ADGRF3: variants seen among roughly 807,000 people sequenced by gnomAD.
ADGRF3 encodes adhesion G protein-coupled receptor F3, also known as G protein-coupled receptor 113.
In ADGRF3, 85 loss-of-function variants were observed where a neutral mutation model predicts 93.2. The ratio of observed to expected loss-of-function variants is 0.91; its 90% confidence interval spans 0.77 to 1.09. The LOEUF (loss-of-function observed/expected upper bound fraction) is 1.09. ADGRF3 is among the 50% of genes least tolerant of loss of function. ADGRF3 has a pLI of 0.00. For synonymous variants in ADGRF3, 534 were observed against 532.5 expected, an observed-to-expected ratio of 1.00 and a Z score of -0.04; for missense variants, 1,125 against 1,246.2, an observed-to-expected ratio of 0.90 and a Z score of 1.46.
intron 1 of ADGRF3, among the ~76,000 whole-genome samples, chr2:26,328,516 C>T (rs921255601): frequency 8.3e-5 from 12 of 145,224 alleles, no homozygotes; most frequent in Non-Finnish European, 1.8e-4. Flanking sequence ...TGCAGCAGTG[C>T]TATCTCCGAT....
chr2:26,310,357 C>T, intron 10 of ADGRF3, 120 bp from the exon 11 acceptor site: 2 of 1,136,340 alleles, frequency 1.8e-6, no homozygotes, highest in South Asian at 3.0e-5. Context: ...TTTTCTGTTA[C>T]CACTATTTGG....
At chr2:26,332,027 CT>C (rs1675797755) in intron 1 of ADGRF3, among the ~76,000 whole-genome samples, 3 of 152,048 alleles carry the variant, frequency 2.0e-5, no homozygotes, top group Admixed American at 1.3e-4. Flanking sequence ...CCCCCATTAG[CT>C]TTTAGTTACA....
chr2:26,319,561 CCCTCCCTTCCTTCCTTCCTT>C (rs1290019501), intron 1 of ADGRF3, among the ~76,000 whole-genome samples: 1 of 36,502 alleles, frequency 2.7e-5, no homozygotes, highest in African/African-American at 6.7e-5. Context: ...CTCCCTCCCT[CCCTCCCTTCCTTCCTTCCTT>C]CCTTCCTTCC....
At chr2:26,323,603 G>A (rs1675275258) in intron 1 of ADGRF3, among the ~76,000 whole-genome samples, 1 of 151,156 alleles carries the variant, frequency 6.6e-6, no homozygotes, top group Non-Finnish European at 1.5e-5. Flanking sequence ...ACTGGACCTG[G>A]CCTCCATTAC....
chr2:26,316,975 G>C lies in ADGRF3; in HGVS notation c.262C>G (p.Leu88Val), dbSNP rs770424359. ...WPPELSRTLT[L>V]PAASASSSPR... is the part of the protein sequence containing the mutation. The stretch of plus-strand genomic sequence containing the variant: ...GAAGAGGAAGCTGAGGCAGCAGGGA[G>C]AGTCAGTGTCCTGGAGAGTTCAGGG... The change falls in exon 3 of 14, where the codon CTC (leucine) becomes GTC (valine). Residue 88 changes from leucine (L) to valine (V), a missense_variant. Leu to Val is a conservative substitution (Grantham distance 32, BLOSUM62 1). Coordinates refer to ENST00000651242, the MANE Select transcript of ADGRF3 (RefSeq NM_001321971.2). 6.2e-7 allele frequency: 1 copy of C among 1,613,232 alleles called. No individual in the cohort carries two copies. Among genetic ancestry groups the C allele is most frequent in the Admixed American group, 1.7e-5 (1 of 59,766 alleles).
chr2:26,342,346 G>T (rs1178422076), intron 1 of ADGRF3, among the ~76,000 whole-genome samples: 2 of 152,132 alleles, frequency 1.3e-5, no homozygotes. Flanking sequence ...ATTTTAAAAT[G>T]AGAACTAAAT....
chr2:26,344,265 A>G (rs1289216498), intron 1 of ADGRF3, among the ~76,000 whole-genome samples: 1 of 151,702 alleles, frequency 6.6e-6, no homozygotes, highest in Non-Finnish European at 1.5e-5. Context: ...TGCCTCAATA[A>G]CCTGAGTAGC....
intron 1 of ADGRF3, among the ~76,000 whole-genome samples, chr2:26,344,648 T>C (rs942568490): frequency 3.3e-5 from 5 of 152,190 alleles, no homozygotes; most frequent in Non-Finnish European, 7.3e-5. Context: ...AGTTTATTGG[T>C]TGGCGGGCGC....
intron 1 of ADGRF3, among the ~76,000 whole-genome samples, chr2:26,338,082 CTTTA>C (rs1574733436): frequency 6.6e-6 from 1 of 152,180 alleles, no homozygotes; most frequent in South Asian, 2.1e-4. Flanking sequence ...ATCTCAAAGT[CTTTA>C]TTTAGAATTT....
At position 26,310,791 on chromosome 2, in the gene ADGRF3, T is replaced by G. The variant is rs1232076735; in HGVS notation, c.2733A>C (p.Thr911=). ...LGVIKALLIL[T]PIFGLTWGLG... Reference sequence around the variant, plus strand: ...GCCCCCAGGTGAGGCCAAAGATGGGTGTAAGAATGAGCAGGGCTTTGATCA... The same window carrying G: ...GCCCCCAGGTGAGGCCAAAGATGGGGGTAAGAATGAGCAGGGCTTTGATCA... The change falls in exon 10 of 14, where the codon ACA becomes ACC. Residue 911 remains threonine (T), a synonymous_variant. Coordinates refer to ENST00000651242, the MANE Select transcript of ADGRF3 (RefSeq NM_001321971.2). The G allele has an allele frequency of 1.2e-6, 2 of 1,613,574 alleles. No homozygotes were observed. The highest frequency in any genetic ancestry group is 8.5e-7 in the Non-Finnish European group (1 of 1,179,706).
At chr2:26,323,359 T>A (rs1193791546) in intron 1 of ADGRF3, among the ~76,000 whole-genome samples, 3 of 152,170 alleles carry the variant, frequency 2.0e-5, no homozygotes, top group Non-Finnish European at 4.4e-5. Context: ...TAATGATTTT[T>A]GGAAACTGAT....
At chr2:26,312,865 G>T in intron 9 of ADGRF3, 78 bp downstream of exon 9, 1 of 1,366,828 alleles carries the variant, frequency 7.3e-7, no homozygotes, top group Non-Finnish European at 1.0e-6. Flanking sequence ...GACATCAGAG[G>T]GACAGAAATG....
intron 1 of ADGRF3, among the ~76,000 whole-genome samples, chr2:26,343,596 C>T (rs1478867219): frequency 1.3e-5 from 2 of 152,078 alleles, no homozygotes; most frequent in South Asian, 2.1e-4. Flanking sequence ...CCCGCCACCA[C>T]GCCCGGCTAA....
chr2:26,328,449 T>C (rs1675567830), intron 1 of ADGRF3, among the ~76,000 whole-genome samples: 1 of 137,494 alleles, frequency 7.3e-6, no homozygotes, highest in Non-Finnish European at 1.6e-5. Flanking sequence ...TATTAGGCCT[T>C]TTTAGTTTTT....
intron 1 of ADGRF3, among the ~76,000 whole-genome samples, chr2:26,328,641 A>G (rs1456001721): frequency 3.3e-5 from 5 of 152,040 alleles, no homozygotes; most frequent in Admixed American, 3.3e-4. Flanking sequence ...TTTAGTAGAG[A>G]CGGGGTTTCA....
At chr2:26,344,997 T>C (rs1347359165) in intron 1 of ADGRF3, among the ~76,000 whole-genome samples, 1 of 152,186 alleles carries the variant, frequency 6.6e-6, no homozygotes, top group Non-Finnish European at 1.5e-5. Flanking sequence ...TAAAAGTATC[T>C]CAAAATAATC....
rs1423665347 is a variant in ADGRF3 at position 26,311,466 on chromosome 2, G to A, written c.2058C>T (p.Ala686=). Residue 686 remains alanine (A), a synonymous_variant, in exon 10 of 14, where the codon GCC becomes GCT. Coordinates refer to ENST00000651242, the MANE Select transcript of ADGRF3 (RefSeq NM_001321971.2). ...TAQCLCQHLT[A]FSVLMSPHTV... is the part of the protein sequence containing the mutation. ...TGTGTGGGGACATGAGGACGGAGAA[G>A]GCAGTGAGGTGCTGGCAGAGGCACT... is the stretch of plus-strand genomic sequence containing the variant. 6.2e-7 allele frequency: 1 copy of A among 1,614,056 alleles called. No homozygotes were observed. The highest frequency in any genetic ancestry group is 8.5e-7 in the Non-Finnish European group (1 of 1,179,898).
At chr2:26,335,258 C>A (rs2147918502) in intron 1 of ADGRF3, among the ~76,000 whole-genome samples, 1 of 152,320 alleles carries the variant, frequency 6.6e-6, no homozygotes, top group South Asian at 2.1e-4. Flanking sequence ...TAGAGCAAAG[C>A]AAAGCACATT....
intron 9 of ADGRF3, among the ~76,000 whole-genome samples, chr2:26,312,532 A>G (rs1674268518): frequency 6.6e-6 from 1 of 152,182 alleles, no homozygotes; most frequent in Non-Finnish European, 1.5e-5. Flanking sequence ...GTGTAATATC[A>G]TTGCCCTTTG....
Sources: allele counts gnomAD v4.1 joint callset (sites outside exome capture counted in the v4.1 genomes callset), GRCh38; gene constraint gnomAD v4.1.1; transcripts MANE v1.5; gene names NCBI Gene and HGNC (gene_info 2026-07-23, HGNC 2026-07-21).